The following ANGEL1 variants were observed in gnomAD, a reference collection of about 807,000 sequenced individuals.
ANGEL1 encodes the protein angel homolog 1, also known as RNA 2',3'-cyclic phosphatase ANGEL1.
In ANGEL1, 62 loss-of-function variants were observed where a neutral mutation model predicts 76.4. That is an observed-to-expected ratio of 0.81 (90% CI 0.66 to 1.00). ANGEL1 has a LOEUF of 1.00. ANGEL1 is among the 50% of genes least tolerant of loss of function. The probability of loss-of-function intolerance (pLI) is 0.00; values close to 1 mark genes in which losing one functional copy is unlikely to be tolerated. For missense variants in ANGEL1, 737 were observed against 836.7 expected (o/e 0.88, Z 1.47); for synonymous variants, 340 against 331.7 (o/e 1.03, Z -0.27).
chr14:76,803,564 G>T, intron 6 of ANGEL1, 83 bp from the exon 7 acceptor site: 1 of 1,426,040 alleles, frequency 7.0e-7, no homozygotes, highest in Non-Finnish European at 9.8e-7. Context: ...GCAACTTCCA[G>T]CATAGGTACA....
intron 1 of ANGEL1, 87 bp from the exon 2 acceptor site, chr14:76,809,730 A>C: frequency 8.8e-7 from 1 of 1,138,120 alleles, no homozygotes; most frequent in Non-Finnish European, 1.3e-6. Flanking sequence ...CAATAAAAGC[A>C]AGACCCATAT....
At chr14:76,811,732 ACTGAGTGC>A (rs1180607654) in intron 1 of ANGEL1, among the ~76,000 whole-genome samples, 1 of 152,254 alleles carries the variant, frequency 6.6e-6, no homozygotes, top group Admixed American at 6.5e-5. Flanking sequence ...TCCTGAATTC[ACTGAGTGC>A]CTACTGTATA....
chr14:76,792,442 A>G (rs963475503), intron 7 of ANGEL1, among the ~76,000 whole-genome samples: 5 of 152,204 alleles, frequency 3.3e-5, no homozygotes, highest in Admixed American at 3.3e-4. Flanking sequence ...ATGTCACAAC[A>G]AAAACTATAG....
intron 7 of ANGEL1, 75 bp from the exon 8 acceptor site, chr14:76,791,441 A>G: frequency 7.3e-7 from 1 of 1,375,278 alleles, no homozygotes; most frequent in Non-Finnish European, 1.0e-6. Context: ...TCACCCTAAA[A>G]TCCCTCTCAG....
chr14:76,807,409 A>G (rs1043452485), intron 4 of ANGEL1, 24 bp downstream of exon 4: 2 of 1,602,920 alleles, frequency 1.2e-6, no homozygotes, highest in Non-Finnish European at 1.7e-6. Flanking sequence ...AAAAGCTGGC[A>G]AGCATCCCAG....
At chr14:76,810,223 A>G (rs1895043336) in intron 1 of ANGEL1, 1 of 454,712 alleles carries the variant, frequency 2.2e-6, no homozygotes. Context: ...GGAGTTAGAG[A>G]CCAGCCTGGG....
rs1894285323 is a variant in ANGEL1 at position 76,787,412 on chromosome 14, A to T, written c.*1816T>A. On this transcript the variant is annotated 3_prime_UTR_variant, in exon 10 of 10. Transcript: ENST00000251089. ...AAAGCTGCATTTCCCAGCAGAAGAG[A>T]ACAGTGATGGGCCCTAGTCCTAGGA... is the stretch of plus-strand genomic sequence containing the variant. 2.0e-5 allele frequency: 3 copies of T among 152,500 alleles called. No individual in the cohort carries two copies. Among genetic ancestry groups the T allele is most frequent in the Admixed American group, 2.0e-4 (3 of 15,284 alleles). The allele number at this position is 152,500 out of a possible 1,614,324, so 9.4% of individuals were successfully genotyped here. A position where few individuals can be genotyped will look rare whatever the true frequency, so the allele number is the denominator to read the frequency against.
At chr14:76,811,849 A>T (rs1350838598) in intron 1 of ANGEL1, among the ~76,000 whole-genome samples, 2 of 152,232 alleles carry the variant, frequency 1.3e-5, no homozygotes, top group African/African-American at 2.4e-5. Flanking sequence ...AGTAAAATTT[A>T]AAATATTTCT....
intron 7 of ANGEL1, 99 bp from the exon 8 acceptor site, chr14:76,791,465 T>C (rs570309968): frequency 1.7e-5 from 20 of 1,151,908 alleles, no homozygotes; most frequent in African/African-American, 1.5e-4. Context: ...CTTGACTGGA[T>C]TGCTTCAGAA....
intron 8 of ANGEL1, among the ~76,000 whole-genome samples, chr14:76,791,005 G>A (rs1036544046): frequency 1.3e-5 from 2 of 152,020 alleles, no homozygotes; most frequent in African/African-American, 4.8e-5. Flanking sequence ...CTATCTGCTT[G>A]TTACCTGGTA....
At position 76,812,881 on chromosome 14, in the gene ANGEL1, T is replaced by C; in HGVS notation, c.-54A>G. 6.8e-7 allele frequency: 1 copy of C among 1,463,040 alleles called. No homozygotes were observed. Among genetic ancestry groups the C allele is most frequent in the Non-Finnish European group, 9.0e-7 (1 of 1,108,478 alleles). 90.6% of individuals were successfully genotyped at this position (1,463,040 alleles called of 1,614,324 possible). On this transcript the variant is annotated 5_prime_UTR_variant, in exon 1 of 10. Coordinates refer to ENST00000251089, the MANE Select transcript of ANGEL1 (RefSeq NM_015305.4). The stretch of plus-strand genomic sequence containing the variant: ...CTCACTGCAGCCAGCAGGTCCTCCC[T>C]CAGCTCGGCCCCGCCCCCGGCCCGG...
At chr14:76,803,672 G>A in intron 6 of ANGEL1, 114 bp downstream of exon 6, 1 of 1,469,500 alleles carries the variant, frequency 6.8e-7, no homozygotes. Flanking sequence ...TGAGAAAACA[G>A]AGGAATCTGC....
rs532922987 is a variant in ANGEL1, at chr14:76,804,052, CAG to C, written c.1381-142_1381-141del. 2,079 of 1,550,312 alleles carry C rather than the reference CAG, an allele frequency of 1.3e-3. 14 individuals are homozygous for C. The highest frequency in any genetic ancestry group is 7.9e-3 in the South Asian group (658 of 83,510). ...ATGGTATAAACAAGCATATAAGTCT[CAG>C]GGGCAGGTTAAAAATAAGGACCAAA... On this transcript the variant is annotated intron_variant, in intron 5 of 9. Transcript: ENST00000251089.
chr14:76,796,394 C>T (rs1360366868), intron 7 of ANGEL1, among the ~76,000 whole-genome samples: 1 of 151,734 alleles, frequency 6.6e-6, no homozygotes. Flanking sequence ...AGTATAGGCA[C>T]ATGCCACTAC....
intron 8 of ANGEL1, 149 bp from the exon 9 acceptor site, chr14:76,790,923 T>A: frequency 8.4e-7 from 1 of 1,184,442 alleles, no homozygotes; most frequent in Non-Finnish European, 1.1e-6. Flanking sequence ...AAGAAGGGGC[T>A]GGCAGTCTTA....
At chr14:76,807,805 C>T in intron 3 of ANGEL1, 117 bp downstream of exon 3, 1 of 1,173,542 alleles carries the variant, frequency 8.5e-7, no homozygotes, top group South Asian at 1.5e-5. Context: ...AAGCTCCAGC[C>T]CTAGATAGGA....
Position 76,807,442 on chromosome 14 carries a change from G to C in ANGEL1, c.937C>G (p.Arg313Gly), listed in dbSNP as rs556320163. 2 of 1,612,378 alleles carry C rather than the reference G, an allele frequency of 1.2e-6. No individual in the cohort carries two copies. The highest frequency in any genetic ancestry group is 1.7e-6 in the Non-Finnish European group (2 of 1,179,236). ...CAGGGAGCTGCATTACCCATCATTC[G>C]CAGAGAGGGTTCCAGCTGCTCCCAG... ...HYWEQLEPSL[R>G]MMGFTCFYKR... The change falls in exon 4 of 10, where the codon CGA becomes GGA. Residue 313 changes from arginine to glycine, a missense_variant. Physicochemically the swap from Arg to Gly is moderately radical, Grantham distance 125. Around this residue, in one of 2 missense-constraint regions of ANGEL1, gnomAD observed 441 missense variants for 449.5 expected, o/e 0.98. Coordinates refer to ENST00000251089, the MANE Select transcript of ANGEL1 (RefSeq NM_015305.4).
chr14:76,792,864 AT>A (rs1326982569), intron 7 of ANGEL1, among the ~76,000 whole-genome samples: 1 of 152,226 alleles, frequency 6.6e-6, no homozygotes, highest in African/African-American at 2.4e-5. Context: ...CACCTCTTCT[AT>A]TTGACATTGT....
chr14:76,809,392 C>G lies in ANGEL1; in HGVS notation c.316G>C (p.Glu106Gln), dbSNP rs1255368550. 5 of 1,614,282 alleles carry G rather than the reference C, an allele frequency of 3.1e-6. No homozygotes were observed. Among genetic ancestry groups the G allele is most frequent in the Non-Finnish European group, 4.2e-6 (5 of 1,180,050 alleles). The change falls in exon 2 of 10, where the codon GAG becomes CAG. Residue 106 changes from glutamate (E) to glutamine (Q), a missense_variant. This residue lies in a region of ANGEL1 where 441 missense variants were observed against 449.5 expected (regional missense o/e 0.98). Coordinates refer to ENST00000251089, the MANE Select transcript of ANGEL1 (RefSeq NM_015305.4). ...DNPGEENAAS[E>Q]DRWSSRQLSD... ...AGCTGCCTGCTGGACCACCTGTCCT[C>G]TGAAGCAGCATTCTCTTCTCCAGGA... is the stretch of plus-strand genomic sequence containing the variant.
Sources: gnomAD v4.1 joint callset for allele counts (sites outside exome capture counted in the v4.1 genomes callset) on GRCh38, gnomAD v4.1.1 for gene constraint, gnomAD v4.1.1 regional missense constraint, MANE v1.5 for transcripts, NCBI Gene and HGNC (gene_info 2026-07-23, HGNC 2026-07-21) for gene names.